SLC2A9: variants seen among roughly 807,000 people sequenced by gnomAD.
SLC2A9 encodes solute carrier family 2 member 9, also known as solute carrier family 2, facilitated glucose transporter member 9.
A neutral mutation model predicts 50.6 loss-of-function variants in SLC2A9; 39 were observed. The ratio of observed to expected loss-of-function variants is 0.77; its 90% CI spans 0.60 to 1.01. The LOEUF (loss-of-function observed/expected upper bound fraction) is 1.01, where lower values mean the gene tolerates loss of function less well. Among genes scored for constraint, SLC2A9 ranks in the 50% least tolerant of loss-of-function variants. The pLI is 0.00. For missense variants in SLC2A9, 686 were observed against 677.6 expected (o/e 1.01, Z -0.14); for synonymous variants, 324 against 276.9 (o/e 1.17, Z -1.69).
intron 3 of SLC2A9, among the ~76,000 whole-genome samples, chr4:9,791,862 T>C (rs1719957908): frequency 6.6e-6 from 1 of 152,226 alleles, no homozygotes. Context: ...TCATAGATAC[T>C]ATCAGAAAAA....
At chr4:9,814,538 T>A (rs1364284778) in intron 3 of SLC2A9, among the ~76,000 whole-genome samples, 1 of 152,184 alleles carries the variant, frequency 6.6e-6, no homozygotes, top group East Asian at 1.9e-4. Flanking sequence ...AATAATTTAT[T>A]ATTTGTCATG....
At chr4:10,002,796 G>C (rs1364696688) in intron 2 of SLC2A9, among the ~76,000 whole-genome samples, 1 of 152,140 alleles carries the variant, frequency 6.6e-6, no homozygotes, top group Non-Finnish European at 1.5e-5. Context: ...GAGGTTGCAG[G>C]GAGCCAAGAT....
chr4:9,953,616 G>A (rs1345009503), intron 5 of SLC2A9, among the ~76,000 whole-genome samples: 2 of 152,082 alleles, frequency 1.3e-5, no homozygotes, highest in East Asian at 1.9e-4. Context: ...CAGTTTAGGA[G>A]TTTTTTGTTT....
At chr4:9,931,942 CTCTCTCTCTCTCTCTCTCTCTATATATA>C (rs1270153352) in intron 6 of SLC2A9, among the ~76,000 whole-genome samples, 1 of 59,792 alleles carries the variant, frequency 1.7e-5, no homozygotes, top group Non-Finnish European at 2.8e-5. Context: ...CTCTCTCTCT[CTCTCTCTCTCTCTCTCTCTCTATATATA>C]TATATATATA....
At chr4:9,781,949 G>T (rs1718454867) in intron 3 of SLC2A9, 5 of 1,238,390 alleles carry the variant, frequency 4.0e-6, no homozygotes, top group South Asian at 1.8e-5. Flanking sequence ...GCGCATCCTC[G>T]GGGTGCCCGA....
At chr4:10,015,808 G>C (rs978567758) in intron 2 of SLC2A9, among the ~76,000 whole-genome samples, 1 of 152,212 alleles carries the variant, frequency 6.6e-6, no homozygotes, top group Non-Finnish European at 1.5e-5. Context: ...AAGACCCCAG[G>C]CTGTGCTGTT....
chr4:9,983,898 T>C (rs1313779014), intron 4 of SLC2A9, among the ~76,000 whole-genome samples: 1 of 152,186 alleles, frequency 6.6e-6, no homozygotes, highest in Non-Finnish European at 1.5e-5. Context: ...TCTGACTCCA[T>C]AGTCTTCACC....
At chr4:10,013,253 C>A (rs995926868) in intron 2 of SLC2A9, among the ~76,000 whole-genome samples, 3 of 152,186 alleles carry the variant, frequency 2.0e-5, no homozygotes, top group Non-Finnish European at 2.9e-5. Flanking sequence ...GGGATGCTGC[C>A]ATAAACCAGG....
exon 4 of SLC2A9, chr4:9,780,009 T>A (rs1718117832): frequency 6.6e-6 from 1 of 152,336 alleles, no homozygotes. Flanking sequence ...GCGGTGGTGG[T>A]GGCGGCAGCT....
chr4:9,918,255 C>T (rs1190758962), intron 7 of SLC2A9, among the ~76,000 whole-genome samples: 1 of 152,168 alleles, frequency 6.6e-6, no homozygotes, highest in African/African-American at 2.4e-5. Flanking sequence ...TTTTGGATCC[C>T]AGGGGTGGTG....
At chr4:9,870,776 T>C (rs577162150) in intron 10 of SLC2A9, among the ~76,000 whole-genome samples, 1 of 152,210 alleles carries the variant, frequency 6.6e-6, no homozygotes. Flanking sequence ...ACCTAAACTA[T>C]GTGCCATGAG....
chr4:9,850,504 G>A (rs530184774), intron 10 of SLC2A9, among the ~76,000 whole-genome samples: 2 of 152,194 alleles, frequency 1.3e-5, no homozygotes, highest in South Asian at 4.2e-4. Flanking sequence ...ACTCTCTTGG[G>A]GCCCCAGCCT....
intron 3 of SLC2A9, among the ~76,000 whole-genome samples, chr4:9,820,752 G>T (rs1724290506): frequency 6.6e-6 from 1 of 152,136 alleles, no homozygotes; most frequent in African/African-American, 2.4e-5. Context: ...TTCATTGCTA[G>T]TACAGAGAAA....
At chr4:9,824,155 T>C (rs1724791601), downstream of SLC2A9, among the ~76,000 whole-genome samples, 2 of 151,986 alleles carry the variant, frequency 1.3e-5, no homozygotes, top group Admixed American at 1.3e-4. Flanking sequence ...GTGGGACTGG[T>C]GGTTTTATAA....
At chr4:9,775,763 C>T (rs62293225), downstream of SLC2A9, among the ~76,000 whole-genome samples, 1,840 of 152,174 alleles carry the variant, frequency 0.012, 18 homozygotes, top group Middle Eastern at 0.048. Context: ...TTGTAAAGCC[C>T]GCAAAACCAT....
chr4:9,904,364 A>C (rs1285687784), intron 8 of SLC2A9, among the ~76,000 whole-genome samples: 6 of 151,954 alleles, frequency 3.9e-5, no homozygotes, highest in African/African-American at 9.7e-5. Context: ...CCCCTTCCTC[A>C]CCTTCAAAGC....
At chr4:9,997,055 G>T in intron 2 of SLC2A9, 114 bp from the exon 3 acceptor site, 2 of 1,262,120 alleles carry the variant, frequency 1.6e-6, no homozygotes, top group Non-Finnish European at 2.3e-6. Flanking sequence ...ATAGCACTTT[G>T]CTAATTTGTT....
intron 5 of SLC2A9, among the ~76,000 whole-genome samples, chr4:9,959,110 C>G (rs892974198): frequency 6.6e-6 from 1 of 151,688 alleles, no homozygotes; most frequent in Admixed American, 6.6e-5. Context: ...TGGAAGAATG[C>G]TAAGGCAGGT....
chr4:10,024,837 C>G (rs1348768833), upstream of SLC2A9, among the ~76,000 whole-genome samples: 1 of 152,202 alleles, frequency 6.6e-6, no homozygotes, highest in African/African-American at 2.4e-5. Flanking sequence ...GGGGGGTTTT[C>G]TATTGAGTAT....
Sources: gnomAD v4.1 joint callset for allele counts (sites outside exome capture counted in the v4.1 genomes callset) on GRCh38, gnomAD v4.1.1 for gene constraint, MANE v1.5 for transcripts, NCBI Gene and HGNC (gene_info 2026-07-23, HGNC 2026-07-21) for gene names.